RHOJ: variants seen among roughly 807,000 people sequenced by gnomAD.
The protein encoded by RHOJ is ras homolog family member J, also known as rho-related GTP-binding protein RhoJ.
RHOJ carries 11 observed loss-of-function variants against 23.4 expected under a neutral mutation model. That is an observed-to-expected ratio of 0.47 (90% confidence interval 0.30 to 0.78). RHOJ has a LOEUF of 0.78. Among genes scored for constraint, RHOJ ranks in the 30% least tolerant of loss-of-function variants. The pLI is 0.08. For missense variants in RHOJ, 254 were observed against 273.4 expected, an observed-to-expected ratio of 0.93 and a Z score of 0.50; for synonymous variants, 102 against 102.7, an observed-to-expected ratio of 0.99 and a Z score of 0.04.
intron 1 of RHOJ, among the ~76,000 whole-genome samples, chr14:63,266,980 C>G (rs917111753): frequency 1.3e-5 from 2 of 152,176 alleles, no homozygotes; most frequent in Non-Finnish European, 2.9e-5. Context: ...ACCCCTCACA[C>G]TACCCCTGAC....
chr14:63,262,369 A>G (rs187132089), intron 1 of RHOJ, among the ~76,000 whole-genome samples: 29 of 152,338 alleles, frequency 1.9e-4, no homozygotes, highest in Non-Finnish European at 4.0e-4. Flanking sequence ...ATCTCATACC[A>G]AGTCACAAAA....
chr14:63,264,635 C>T (rs1895334584), intron 1 of RHOJ, among the ~76,000 whole-genome samples: 2 of 152,196 alleles, frequency 1.3e-5, no homozygotes, highest in Non-Finnish European at 1.5e-5. Context: ...TTTACATTTC[C>T]ACTAATAGTG....
chr14:63,213,996 A>G (rs925048376), intron 1 of RHOJ, among the ~76,000 whole-genome samples: 1 of 152,202 alleles, frequency 6.6e-6, no homozygotes, highest in Non-Finnish European at 1.5e-5. Flanking sequence ...ACAGACTTTA[A>G]TAGACACTTA....
At chr14:63,205,911 A>G (rs754970454) in intron 1 of RHOJ, among the ~76,000 whole-genome samples, 3 of 152,240 alleles carry the variant, frequency 2.0e-5, no homozygotes, top group South Asian at 4.1e-4. Flanking sequence ...GTTTATCAAA[A>G]GCAAGTTAAT....
At chr14:63,219,857 A>G (rs969151095) in intron 1 of RHOJ, among the ~76,000 whole-genome samples, 1 of 151,794 alleles carries the variant, frequency 6.6e-6, no homozygotes, top group African/African-American at 2.4e-5. Flanking sequence ...CCTCTGTAGT[A>G]TCTCTGTCTG....
chr14:63,261,774 T>C (rs1895277467), intron 1 of RHOJ, among the ~76,000 whole-genome samples: 1 of 152,162 alleles, frequency 6.6e-6, no homozygotes. Flanking sequence ...AAATGCCTAG[T>C]TCTTCAAAAT....
intron 1 of RHOJ, among the ~76,000 whole-genome samples, 177 bp from the exon 2 acceptor site, chr14:63,268,933 C>T (rs565829262): frequency 1.4e-4 from 21 of 152,230 alleles, no homozygotes; most frequent in African/African-American, 4.8e-4. Context: ...CACTGCAGCC[C>T]AAGGTTACCT....
chr14:63,242,953 G>T (rs1316696498), intron 1 of RHOJ, among the ~76,000 whole-genome samples: 1 of 151,408 alleles, frequency 6.6e-6, no homozygotes, highest in Non-Finnish European at 1.5e-5. Flanking sequence ...TTACAGTTCA[G>T]ATCAATATGT....
In RHOJ at chr14:63,279,579, T is replaced by C. The variant is rs139856838; in HGVS notation, c.238-1392T>C. 2.4e-3 allele frequency among the ~76,000 whole-genome samples: 364 copies of C among 152,318 alleles called. 2 individuals are homozygous for C. Among genetic ancestry groups the C allele is most frequent in the African/African-American group, 8.2e-3 (341 of 41,570 alleles). On this transcript the variant is annotated intron_variant, in intron 2 of 4. Transcript: ENST00000316754. Reference sequence around the variant, plus strand: ...TTCCCAAAGTCGAAATGATGCGCAGTTTTACTTTGTATTTATCAACTCCCA... The same window carrying C: ...TTCCCAAAGTCGAAATGATGCGCAGCTTTACTTTGTATTTATCAACTCCCA...
intron 1 of RHOJ, among the ~76,000 whole-genome samples, chr14:63,256,722 G>A (rs566193902): frequency 3.3e-5 from 5 of 152,294 alleles, no homozygotes; most frequent in South Asian, 4.1e-4. Flanking sequence ...GGCAGATCAC[G>A]AGGTCGGGAG....
chr14:63,272,325 G>A (rs1442892307), intron 2 of RHOJ, among the ~76,000 whole-genome samples: 1 of 152,114 alleles, frequency 6.6e-6, no homozygotes. Context: ...AAATGTGCTG[G>A]ATAGCTAAAG....
intron 1 of RHOJ, among the ~76,000 whole-genome samples, chr14:63,206,026 T>C (rs1894101743): frequency 6.6e-6 from 1 of 152,206 alleles, no homozygotes; most frequent in Non-Finnish European, 1.5e-5. Context: ...TCCTCCTTCA[T>C]TTTGGCTTTG....
intron 1 of RHOJ, among the ~76,000 whole-genome samples, chr14:63,267,964 A>G (rs1895397639): frequency 6.6e-6 from 1 of 152,236 alleles, no homozygotes; most frequent in South Asian, 2.1e-4. Context: ...GTATACATGT[A>G]GCCCATGAAC....
At chr14:63,256,202 C>T (rs56370676) in intron 1 of RHOJ, among the ~76,000 whole-genome samples, 3,609 of 152,234 alleles carry the variant, frequency 0.024, 143 homozygotes, top group African/African-American at 0.079. Context: ...GTGTTTATCC[C>T]TTATTCCTCA....
intron 1 of RHOJ, among the ~76,000 whole-genome samples, chr14:63,223,005 G>T (rs1289470981): frequency 6.6e-6 from 1 of 152,218 alleles, no homozygotes; most frequent in Non-Finnish European, 1.5e-5. Flanking sequence ...AGCTCCTCCT[G>T]CTCTCAACTC....
chr14:63,210,812 A>G (rs1894219650), intron 1 of RHOJ, among the ~76,000 whole-genome samples: 1 of 152,220 alleles, frequency 6.6e-6, no homozygotes, highest in Non-Finnish European at 1.5e-5. Context: ...TAGGTGTGTA[A>G]AATAAGCTCA....
intron 1 of RHOJ, among the ~76,000 whole-genome samples, chr14:63,249,400 G>T (rs1895030015): frequency 1.3e-5 from 2 of 152,124 alleles, no homozygotes; most frequent in Admixed American, 6.5e-5. Flanking sequence ...CTGGCCTCTG[G>T]CAGTGATTTA....
intron 1 of RHOJ, among the ~76,000 whole-genome samples, chr14:63,238,152 A>G (rs1894822197): frequency 6.6e-6 from 1 of 152,262 alleles, no homozygotes; most frequent in African/African-American, 2.4e-5. Flanking sequence ...AAAAAATTGT[A>G]CAATTCAGGT....
At chr14:63,280,791 G>A (rs1007504253) in intron 2 of RHOJ, among the ~76,000 whole-genome samples, 180 bp from the exon 3 acceptor site, 1 of 152,154 alleles carries the variant, frequency 6.6e-6, no homozygotes, top group Non-Finnish European at 1.5e-5. Context: ...TAACAAAAAG[G>A]TATTTTTCTG....
Sources: allele counts gnomAD v4.1 joint callset (sites outside exome capture counted in the v4.1 genomes callset), GRCh38; gene constraint gnomAD v4.1.1; transcripts MANE v1.5; gene names NCBI Gene and HGNC (gene_info 2026-07-23, HGNC 2026-07-21).